Variants in UBAP1 observed in about 807,000 individuals in gnomAD.
The protein encoded by UBAP1 is ubiquitin-associated protein 1.
A neutral mutation model predicts 39.0 loss-of-function variants in UBAP1; 5 were observed. The ratio of observed to expected loss-of-function variants is 0.13; its 90% CI spans 0.07 to 0.27. The LOEUF (loss-of-function observed/expected upper bound fraction) is 0.27, where lower values mean the gene tolerates loss of function less well. UBAP1 is among the 10% of genes least tolerant of loss of function. The pLI is 1.00. For synonymous variants in UBAP1, 211 were observed against 225.1 expected (o/e 0.94, Z 0.56); for missense variants, 490 against 608.1 (o/e 0.81, Z 2.04).
chr9:34,179,172 C>G lies in UBAP1; in HGVS notation c.-76C>G, dbSNP rs1221698202. 11 of 1,238,322 alleles carry G rather than the reference C, an allele frequency of 8.9e-6. No homozygotes were observed. The highest frequency in any genetic ancestry group is 1.0e-5 in the Non-Finnish European group (10 of 989,676). 76.7% of individuals were successfully genotyped at this position (1,238,322 alleles called of 1,614,324 possible). A position where few individuals can be genotyped will look rare whatever the true frequency, so the allele number is the denominator to read the frequency against. The stretch of plus-strand genomic sequence containing the variant: ...GGGGCTGTCGGGAGCTCAGCGGGGA[C>G]CGAGCCTGGGAGGCCGGCCGGTGCC... On this transcript the variant is annotated 5_prime_UTR_variant, in exon 1 of 7. Coordinates refer to ENST00000297661, the MANE Select transcript of UBAP1 (RefSeq NM_016525.5).
Position 34,182,675 on chromosome 9 carries a change from CTTTCTT to C in UBAP1, c.-8+3437_-8+3442del, listed in dbSNP as rs1315140257. On this transcript the variant is annotated intron_variant, in intron 1 of 6. Transcript: ENST00000297661. ...TCTTTCTTTCTTTCTTTCTTTCTTT[CTTTCTT>C]TCTCTCTCTCTTTCTTTTCTTTTCT... Among the ~76,000 whole-genome samples the C allele has an allele frequency of 4.5e-3, 320 of 71,738 alleles. 10 individuals are homozygous for C. Among genetic ancestry groups the C allele is most frequent in the African/African-American group, 0.011 (247 of 23,138 alleles). The allele number at this position is 71,738 out of a possible 152,430, so 47.1% of individuals were successfully genotyped here.
intron 2 of UBAP1, among the ~76,000 whole-genome samples, chr9:34,227,643 C>G (rs552617392): frequency 8.7e-4 from 133 of 152,348 alleles, no homozygotes; most frequent in African/African-American, 3.0e-3. Flanking sequence ...AGCCCACTCA[C>G]TATCTTCCAC....
chr9:34,189,696 G>C (rs985302240), intron 1 of UBAP1, among the ~76,000 whole-genome samples: 31 of 151,980 alleles, frequency 2.0e-4, no homozygotes, highest in African/African-American at 6.8e-4. Flanking sequence ...GAGTGCAATG[G>C]TACAATCTTG....
At chr9:34,193,721 G>A (rs1830864286) in intron 1 of UBAP1, among the ~76,000 whole-genome samples, 1 of 152,194 alleles carries the variant, frequency 6.6e-6, no homozygotes, top group South Asian at 2.1e-4. Flanking sequence ...CAAGGTATGG[G>A]GGAAGAGGTG....
rs559854886 is a variant in UBAP1, at chr9:34,248,077, C to T, written c.1084-1702C>T. On this transcript the variant is annotated intron_variant, in intron 4 of 6. Coordinates refer to ENST00000297661, the MANE Select transcript of UBAP1 (RefSeq NM_016525.5). ...TTTTCAGACAGTCTCACTCTGTCACCCAGGCTGGAGTGCAATGGCATGGTC... is the reference window on the plus strand; with the variant it reads ...TTTTCAGACAGTCTCACTCTGTCACTCAGGCTGGAGTGCAATGGCATGGTC... Among the ~76,000 whole-genome samples the T allele has an allele frequency of 1.9e-3, 286 of 151,908 alleles. 1 individual carries two copies. Among genetic ancestry groups the T allele is most frequent in the African/African-American group, 6.4e-3 (264 of 41,390 alleles).
At chr9:34,250,845 A>G (rs1182097871) in intron 6 of UBAP1, 86 bp downstream of exon 6, 3 of 1,161,788 alleles carry the variant, frequency 2.6e-6, no homozygotes, top group Non-Finnish European at 3.8e-6. Context: ...CCCACACACA[A>G]CCTTTTTGCT....
chr9:34,214,554 G>GA (rs1179361823), intron 1 of UBAP1, among the ~76,000 whole-genome samples: 17 of 152,158 alleles, frequency 1.1e-4, no homozygotes, highest in African/African-American at 3.1e-4. Flanking sequence ...GGTATCATTG[G>GA]AAAAACCCTT....
At chr9:34,229,449 G>C (rs1395986219) in intron 2 of UBAP1, among the ~76,000 whole-genome samples, 1 of 151,724 alleles carries the variant, frequency 6.6e-6, no homozygotes, top group Non-Finnish European at 1.5e-5. Context: ...GTAGAGATGG[G>C]GTTTCACCAT....
intron 6 of UBAP1, 89 bp downstream of exon 6, chr9:34,250,848 T>C (rs781643002): frequency 8.8e-7 from 1 of 1,131,950 alleles, no homozygotes; most frequent in Non-Finnish European, 1.3e-6. Flanking sequence ...ACACACAACC[T>C]TTTTGCTTTG....
chr9:34,194,833 A>G (rs907277467), intron 1 of UBAP1, among the ~76,000 whole-genome samples: 28 of 152,272 alleles, frequency 1.8e-4, no homozygotes, highest in African/African-American at 5.8e-4. Flanking sequence ...CAAATTTAGC[A>G]GTGGGGGGTT....
At chr9:34,222,937 G>A (rs746325876) in intron 2 of UBAP1, among the ~76,000 whole-genome samples, 5 of 152,148 alleles carry the variant, frequency 3.3e-5, no homozygotes, top group Non-Finnish European at 7.3e-5. Flanking sequence ...AAAAGCTTAG[G>A]GAGAGAAAAT....
In UBAP1 at chr9:34,241,294, T is replaced by G. The variant is rs1432032787; in HGVS notation, c.269T>G (p.Val90Gly). The G allele has an allele frequency of 6.6e-7, 1 of 1,504,916 alleles. No homozygotes were observed. The highest frequency in any genetic ancestry group is 1.4e-5 in the South Asian group (1 of 70,786). 93.2% of individuals were successfully genotyped at this position (1,504,916 alleles called of 1,614,324 possible). The change falls in exon 4 of 7, where the codon GTG becomes GGG. Residue 90 changes from valine to glycine, a missense_variant. Coordinates refer to ENST00000297661, the MANE Select transcript of UBAP1 (RefSeq NM_016525.5). ...AAAATTGCGGAAGCAGAAGCTAAAG[T>G]GAATTCTAAGAGTGGCCCAGAGGGC... is the stretch of plus-strand genomic sequence containing the variant. ...ECKIAEAEAK[V>G]NSKSGPEGDS...
chr9:34,241,282 C>G lies in UBAP1; in HGVS notation c.257C>G (p.Ala86Gly). Residue 86 changes from alanine to glycine, a missense_variant, in exon 4 of 7, where the codon GCA (alanine) becomes GGA (glycine). Physicochemically the swap from Ala to Gly is moderately conservative, Grantham distance 60. Around this residue, in one of 3 missense-constraint regions of UBAP1, gnomAD observed 144 missense variants for 184.4 expected, o/e 0.78. Coordinates refer to ENST00000297661, the MANE Select transcript of UBAP1 (RefSeq NM_016525.5). ...GAAGCAGAGTGCAAAATTGCGGAAG[C>G]AGAAGCTAAAGTGAATTCTAAGAGT... ...EREAECKIAE[A>G]EAKVNSKSGP... The G allele has an allele frequency of 1.3e-6, 2 of 1,504,472 alleles. No individual in the cohort carries two copies. Among genetic ancestry groups the G allele is most frequent in the Non-Finnish European group, 1.8e-6 (2 of 1,127,314 alleles). The allele number at this position is 1,504,472 out of a possible 1,614,324, so 93.2% of individuals were successfully genotyped here.
intron 1 of UBAP1, among the ~76,000 whole-genome samples, chr9:34,194,345 C>T (rs531404528): frequency 4.0e-4 from 60 of 150,006 alleles, no homozygotes; most frequent in Middle Eastern, 3.4e-3. Flanking sequence ...GATGGAGTCT[C>T]GCTCTGTTGC....
intron 1 of UBAP1, among the ~76,000 whole-genome samples, chr9:34,182,621 TTCTTTCTTTC>T (rs1285360981): frequency 5.0e-4 from 11 of 22,188 alleles, no homozygotes; most frequent in African/African-American, 1.8e-3. Flanking sequence ...CTTTCCTTCT[TTCTTTCTTTC>T]TTTCTTTCTT....
At chr9:34,205,289 G>A (rs973202253) in intron 1 of UBAP1, among the ~76,000 whole-genome samples, 4 of 152,112 alleles carry the variant, frequency 2.6e-5, no homozygotes, top group African/African-American at 9.7e-5. Context: ...GGGATTACAG[G>A]CCTGAGCAGT....
chr9:34,183,835 A>G (rs1430507761), intron 1 of UBAP1, among the ~76,000 whole-genome samples: 1 of 148,620 alleles, frequency 6.7e-6, no homozygotes, highest in Non-Finnish European at 1.5e-5. Flanking sequence ...CAATGGCGCC[A>G]TCTCAGCTCA....
chr9:34,212,429 A>ACACACT (rs1456574565), intron 1 of UBAP1, among the ~76,000 whole-genome samples: 1 of 142,776 alleles, frequency 7.0e-6, no homozygotes, highest in South Asian at 2.3e-4. Context: ...ACACACACTT[A>ACACACT]TAGTTATTTT....
At chr9:34,217,824 G>T in intron 1 of UBAP1, among the ~76,000 whole-genome samples, 1 of 96,408 alleles carries the variant, frequency 1.0e-5, no homozygotes, top group Admixed American at 1.7e-4. Context: ...GAGACAGACA[G>T]TCTTGCTGAG....
Sources: allele counts gnomAD v4.1 joint callset (sites outside exome capture counted in the v4.1 genomes callset), GRCh38; gene constraint gnomAD v4.1.1; regional missense constraint gnomAD v4.1.1; transcripts MANE v1.5; gene names NCBI Gene and HGNC (gene_info 2026-07-23, HGNC 2026-07-21).